ADAP1: variants seen among roughly 807,000 people sequenced by gnomAD.
ADAP1 encodes ArfGAP with dual PH domains 1.
ADAP1 carries 31 observed loss-of-function variants against 54.9 expected under a neutral mutation model. The ratio of observed to expected loss-of-function variants is 0.56; its 90% CI spans 0.42 to 0.76. ADAP1 has a LOEUF of 0.76. Among genes scored for constraint, ADAP1 ranks in the 30% least tolerant of loss-of-function variants. ADAP1 has a pLI of 0.00. For missense variants in ADAP1, 535 were observed against 512.4 expected (o/e 1.04, Z -0.42); for synonymous variants, 313 against 202.6 (o/e 1.55, Z -4.63).
intron 1 of ADAP1, among the ~76,000 whole-genome samples, chr7:949,667 G>A (rs1184840216): frequency 1.3e-5 from 2 of 152,218 alleles, no homozygotes; most frequent in Non-Finnish European, 2.9e-5. Context: ...TGGAGAGGGG[G>A]CCCAGTCTAG....
intron 4 of ADAP1, among the ~76,000 whole-genome samples, chr7:907,835 G>A (rs796240216): frequency 3.9e-5 from 6 of 152,266 alleles, no homozygotes; most frequent in African/African-American, 1.4e-4. Context: ...AGACTCTCCT[G>A]GGATCACGGG....
intron 4 of ADAP1, among the ~76,000 whole-genome samples, chr7:910,006 T>G (rs1230239034): frequency 6.6e-6 from 1 of 152,024 alleles, no homozygotes; most frequent in East Asian, 1.9e-4. Context: ...ACCGCACGGC[T>G]AAGAGCAGGA....
chr7:907,207 T>C lies in ADAP1; in HGVS notation c.389-2035A>G, dbSNP rs367647412. Among the ~76,000 whole-genome samples the C allele has an allele frequency of 5.3e-5, 8 of 152,060 alleles. No individual in the cohort carries two copies. In the East Asian group the frequency reaches 1.4e-3, roughly 26 times the overall value. ...CAGCCACAGAAAAGTAGCCCGGGCA[T>C]CCCCCTGGGAGCCTAAGCACCTGGA... On this transcript the variant is annotated intron_variant, in intron 4 of 10. Coordinates refer to ENST00000265846, the MANE Select transcript of ADAP1 (RefSeq NM_006869.4).
intron 4 of ADAP1, chr7:905,580 G>GAGAA (rs1845173958): frequency 1.9e-5 from 1 of 51,626 alleles, no homozygotes; most frequent in African/African-American, 1.5e-4. Flanking sequence ...AAGGAGAAAG[G>GAGAA]AGAAAGGAGA....
chr7:909,774 C>G (rs955675567), intron 4 of ADAP1, among the ~76,000 whole-genome samples: 18 of 152,200 alleles, frequency 1.2e-4, no homozygotes, highest in African/African-American at 3.9e-4. Context: ...GGGCAGGACT[C>G]GACCAGTATT....
intron 4 of ADAP1, among the ~76,000 whole-genome samples, chr7:906,742 TACATAG>T (rs1845448647): frequency 1.8e-4 from 5 of 28,282 alleles, no homozygotes; most frequent in African/African-American, 5.7e-4. Flanking sequence ...GGGGACAGAG[TACATAG>T]GGGACATGGA....
chr7:953,594 CG>C (rs1417322925), intron 1 of ADAP1, among the ~76,000 whole-genome samples: 6 of 152,196 alleles, frequency 3.9e-5, no homozygotes, highest in Non-Finnish European at 2.9e-5. Context: ...ACTGCTCCGG[CG>C]GGGCCCTCTC....
At position 945,233 on chromosome 7, in the gene ADAP1, G is replaced by C. The variant is rs1220997203; in HGVS notation, c.82+9163C>G. Among the ~76,000 whole-genome samples the C allele has an allele frequency of 6.6e-6, 1 of 152,216 alleles. No homozygotes were observed. The highest frequency in any genetic ancestry group is 1.5e-5 in the Non-Finnish European group (1 of 68,026). ...CTGCTGGGCATGGCCAGGCCTGCCT[G>C]CATCCGCAAATGCCCGCAGCCCATC... On this transcript the variant is annotated intron_variant, in intron 1 of 10. Transcript: ENST00000265846. The surrounding 1 kb of genome is among the most constrained non-coding windows in gnomAD (Gnocchi z 4.2).
Position 926,510 on chromosome 7 carries a change from C to A in ADAP1, c.305+43G>T. 3 of 1,488,436 alleles carry A rather than the reference C, an allele frequency of 2.0e-6. No individual in the cohort carries two copies. Among genetic ancestry groups the A allele is most frequent in the Non-Finnish European group, 2.7e-6 (3 of 1,116,698 alleles). 92.2% of individuals were successfully genotyped at this position (1,488,436 alleles called of 1,614,324 possible). On this transcript the variant is annotated intron_variant, in intron 3 of 10. Coordinates refer to ENST00000265846, the MANE Select transcript of ADAP1 (RefSeq NM_006869.4). This position sits in a 1 kb window ranked among gnomAD's most constrained non-coding sequence, Gnocchi z 4.6. ...CCTCCCGGGGCCATCTCGGAGCCAC[C>A]CAGCACTTGACCATGGCCCTGACAA...
intron 6 of ADAP1, 172 bp downstream of exon 6, chr7:903,954 C>G (rs112087076): frequency 1.2e-6 from 1 of 823,378 alleles, no homozygotes; most frequent in Admixed American, 3.0e-5. Context: ...CACTCCCACA[C>G]GTCCAAGCAC....
chr7:919,756 TG>T (rs1201998683), intron 4 of ADAP1, among the ~76,000 whole-genome samples: 2 of 8,306 alleles, frequency 2.4e-4, no homozygotes, highest in East Asian at 4.2e-3. Flanking sequence ...GGGAGGGAGA[TG>T]GGGGGGAAGG....
intron 1 of ADAP1, among the ~76,000 whole-genome samples, chr7:951,657 C>T (rs1847274672): frequency 6.6e-6 from 1 of 151,818 alleles, no homozygotes; most frequent in South Asian, 2.1e-4. Context: ...ATTGCTTGAG[C>T]CCTGGAGGCA....
intron 4 of ADAP1, among the ~76,000 whole-genome samples, 173 bp downstream of exon 4, chr7:919,794 GA>G (rs1846105631): frequency 6.3e-5 from 1 of 15,776 alleles, no homozygotes; most frequent in East Asian, 3.5e-3. Context: ...ATGGGGGAGG[GA>G]GGGAGATGGG....
Position 900,154 on chromosome 7 carries a change from T to G in ADAP1, c.743A>C (p.Lys248Thr). ...TTCCTTCAGGTAGTTCCTGGAGAGCTTTGGCACCAGCTAGGGCAGGACACA... is the reference window on the plus strand; with the variant it reads ...TTCCTTCAGGTAGTTCCTGGAGAGCGTTGGCACCAGCTAGGGCAGGACACA... ...PGAGDADLVP[K>T]LSRNYLKEGY... Residue 248 changes from lysine (K) to threonine (T), a missense_variant, in exon 8 of 11, where the codon AAG (lysine) becomes ACG (threonine). Physicochemically the swap from Lys to Thr is moderately conservative, Grantham distance 78. Coordinates refer to ENST00000265846, the MANE Select transcript of ADAP1 (RefSeq NM_006869.4). 1 of 1,613,198 alleles carries G rather than the reference T, an allele frequency of 6.2e-7. No individual in the cohort carries two copies. Among genetic ancestry groups the G allele is most frequent in the Non-Finnish European group, 8.5e-7 (1 of 1,179,936 alleles).
intron 7 of ADAP1, 120 bp downstream of exon 7, chr7:900,413 C>T: frequency 8.6e-7 from 1 of 1,159,444 alleles, no homozygotes; most frequent in Non-Finnish European, 1.2e-6. Context: ...GAGCCCTTGG[C>T]CAGTCCCAGG....
At chr7:905,406 A>AGAAAGGGAAAGGAGAAAGG (rs1845116433) in intron 4 of ADAP1, 1 of 167,770 alleles carries the variant, frequency 6.0e-6, no homozygotes, top group Admixed American at 8.1e-5. Flanking sequence ...AGGAGAAAGG[A>AGAAAGGGAAAGGAGAAAGG]GAAAGGGAGA....
Position 920,940 on chromosome 7 carries a change from A to G in ADAP1, c.306-890T>C, listed in dbSNP as rs1846171711. The G allele has an allele frequency of 7.0e-7, 1 of 1,420,346 alleles. No homozygotes were observed. Among genetic ancestry groups the G allele is most frequent in the Admixed American group, 2.0e-5 (1 of 50,112 alleles). The allele number at this position is 1,420,346 out of a possible 1,614,324, so 88.0% of individuals were successfully genotyped here. On this transcript the variant is annotated intron_variant, in intron 3 of 10. Transcript: ENST00000265846. The surrounding 1 kb of genome is among the most constrained non-coding windows in gnomAD (Gnocchi z 4.5). The stretch of plus-strand genomic sequence containing the variant: ...GTGGCTTCCTGCTGGGCCCACGTGA[A>G]CAGCCTTGGAGACTGGGCGGGAATC...
At chr7:921,580 G>A (rs537617273) in intron 3 of ADAP1, among the ~76,000 whole-genome samples, 1 of 152,348 alleles carries the variant, frequency 6.6e-6, no homozygotes, top group East Asian at 1.9e-4. Context: ...CTCCTACAGG[G>A]CTGCGATTAC....
At chr7:940,258 G>T (rs1221353079) in intron 1 of ADAP1, among the ~76,000 whole-genome samples, 1 of 151,424 alleles carries the variant, frequency 6.6e-6, no homozygotes, top group Non-Finnish European at 1.5e-5. Context: ...AGGATCACTT[G>T]AGCCCAGGGG....
Sources: allele counts gnomAD v4.1 joint callset (sites outside exome capture counted in the v4.1 genomes callset), GRCh38; gene constraint gnomAD v4.1.1; non-coding constraint Gnocchi (gnomAD v3.1); transcripts MANE v1.5; gene names NCBI Gene and HGNC (gene_info 2026-07-23, HGNC 2026-07-21).